Variants in MACROD1 observed in about 807,000 individuals in gnomAD.
MACROD1 encodes the protein mono-ADP ribosylhydrolase 1.
A neutral mutation model predicts 41.4 loss-of-function variants in MACROD1; 31 were observed. The ratio of observed to expected loss-of-function variants is 0.75; its 90% CI spans 0.56 to 1.01. The LOEUF (loss-of-function observed/expected upper bound fraction) is 1.01. Ranked by LOEUF, MACROD1 falls within the 50% of genes least tolerant of loss-of-function variation. The pLI, the probability that MACROD1 is intolerant of heterozygous loss-of-function variation, is 0.00. For missense variants in MACROD1, 473 were observed against 460.0 expected, an observed-to-expected ratio of 1.03 and a Z score of -0.26; for synonymous variants, 252 against 203.4, an observed-to-expected ratio of 1.24 and a Z score of -2.03.
intron 3 of MACROD1, among the ~76,000 whole-genome samples, chr11:64,065,090 G>A (rs948683035): frequency 1.3e-5 from 2 of 152,216 alleles, no homozygotes; most frequent in Non-Finnish European, 2.9e-5. Context: ...AGCCAGACTC[G>A]GCGGCCTCGG....
intron 3 of MACROD1, among the ~76,000 whole-genome samples, chr11:64,088,650 G>C (rs1944437192): frequency 6.6e-6 from 1 of 152,160 alleles, no homozygotes; most frequent in African/African-American, 2.4e-5. Context: ...CACCCTTATT[G>C]GTTGTGTGAC....
intron 3 of MACROD1, among the ~76,000 whole-genome samples, chr11:64,063,513 G>A (rs111341408): frequency 2.6e-5 from 4 of 152,294 alleles, no homozygotes; most frequent in African/African-American, 9.6e-5. Context: ...TCCTGGCAAA[G>A]TCCCAGGTGC....
At chr11:64,143,742 C>A in intron 3 of MACROD1, among the ~76,000 whole-genome samples, 1 of 84,950 alleles carries the variant, frequency 1.2e-5, no homozygotes, top group Non-Finnish European at 2.1e-5. Context: ...CCCCCAACCC[C>A]GACACACACA....
In MACROD1 at chr11:64,095,086, C is replaced by CAT. The variant is rs1944554084; in HGVS notation, c.517+56152_517+56153insAT. Reference sequence around the variant, plus strand: ...GCTCCCAAATGAAAAGGAAAATATACAATGAGAGGCACTAAGGAAACCTCA... The same window carrying CAT: ...GCTCCCAAATGAAAAGGAAAATATACATAATGAGAGGCACTAAGGAAACCTCA... On this transcript the variant is annotated intron_variant, in intron 3 of 10. Transcript: ENST00000255681. Among the ~76,000 whole-genome samples the CAT allele has an allele frequency of 5.9e-5, 9 of 152,324 alleles. No individual in the cohort carries two copies. In the South Asian group the frequency reaches 1.7e-3, roughly 28 times the overall value.
At chr11:64,007,656 C>A (rs1228027816) in intron 4 of MACROD1, among the ~76,000 whole-genome samples, 2 of 152,204 alleles carry the variant, frequency 1.3e-5, no homozygotes, top group Admixed American at 6.5e-5. Flanking sequence ...TCTGGACCCT[C>A]TTCTGTTCCC....
intron 3 of MACROD1, among the ~76,000 whole-genome samples, chr11:64,077,015 A>G (rs1786497814): frequency 6.7e-6 from 1 of 149,240 alleles, no homozygotes; most frequent in Non-Finnish European, 1.5e-5. Context: ...TAGGCCCTTG[A>G]GCTGTGGGGA....
At chr11:64,042,067 A>C (rs560835705) in intron 3 of MACROD1, among the ~76,000 whole-genome samples, 109 of 152,150 alleles carry the variant, frequency 7.2e-4, no homozygotes, top group African/African-American at 2.6e-3. Context: ...CCAGGCCTGG[A>C]GCTGGCCACA....
chr11:64,025,308 A>G (rs1331942556), intron 3 of MACROD1, among the ~76,000 whole-genome samples: 1 of 152,128 alleles, frequency 6.6e-6, no homozygotes. Context: ...GGAAAGAGTG[A>G]GCACCAGCTC....
rs758900457 is a variant in MACROD1 at position 64,152,373 on chromosome 11, C to A, written c.319G>T (p.Asp107Tyr). Residue 107 changes from aspartate (D) to tyrosine (Y), a missense_variant, in exon 2 of 11, where the codon GAC (aspartate) becomes TAC (tyrosine). By Grantham distance (160) the Asp-to-Tyr change is radical. Coordinates refer to ENST00000255681, the MANE Select transcript of MACROD1 (RefSeq NM_014067.4). ...AAGTAATGTTCCTCCCGCTGCTTGT[C>A]ACTCAGGCCCTTCAGAAAGGCTGCA... Reference protein sequence around the residue: ...EAKSFLKGLSDKQREEHYFCK... With the variant: ...EAKSFLKGLSYKQREEHYFCK... 2 of 1,614,256 alleles carry A rather than the reference C, an allele frequency of 1.2e-6. No individual in the cohort carries two copies. The highest frequency in any genetic ancestry group is 1.7e-5 in the Admixed American group (1 of 60,036).
At chr11:64,023,091 A>G (rs554806646) in intron 3 of MACROD1, among the ~76,000 whole-genome samples, 1 of 152,028 alleles carries the variant, frequency 6.6e-6, no homozygotes, top group Non-Finnish European at 1.5e-5. Flanking sequence ...CAAATTCCTG[A>G]TATCAAGTGA....
rs1418042721 is a variant in MACROD1 at position 64,090,610 on chromosome 11, G to A, written c.517+60629C>T. 2.6e-5 allele frequency among the ~76,000 whole-genome samples: 4 copies of A among 152,178 alleles called. No homozygotes were observed. The highest frequency in any genetic ancestry group is 1.9e-4 in the East Asian group (1 of 5,194). On this transcript the variant is annotated intron_variant, in intron 3 of 10. Coordinates refer to ENST00000255681, the MANE Select transcript of MACROD1 (RefSeq NM_014067.4). The surrounding 1 kb of genome is among the most constrained non-coding windows in gnomAD (Gnocchi z 4.7). ...GTGGAGGCTGTGGCCAGCCATCGCC[G>A]CAGGAGGGGTCCCAGCTGGAGCACT...
Position 64,126,498 on chromosome 11 carries a change from A to C in MACROD1, c.517+24741T>G, listed in dbSNP as rs1475700965. Among the ~76,000 whole-genome samples, 3 of 152,312 alleles carry C rather than the reference A, an allele frequency of 2.0e-5. No individual in the cohort carries two copies. The East Asian group carries it at 5.8e-4, about 29-fold the overall frequency. Reference sequence around the variant, plus strand: ...TTATCTGAAAGAGCCCGTACCCCCTATAAACACGGCAGAGGAATGTCTTAA... The same window carrying C: ...TTATCTGAAAGAGCCCGTACCCCCTCTAAACACGGCAGAGGAATGTCTTAA... On this transcript the variant is annotated intron_variant, in intron 3 of 10. Transcript: ENST00000255681.
chr11:64,000,322 G>C lies in MACROD1; in HGVS notation c.569C>G (p.Ala190Gly). Residue 190 changes from alanine (A) to glycine (G), a missense_variant, in exon 5 of 11, where the codon GCC becomes GGC. By Grantham distance (60) the Ala-to-Gly change is moderately conservative (BLOSUM62 0). Transcript: ENST00000255681. ...GGGVDGCIHR[A>G]AGPLLTDECR... The stretch of plus-strand genomic sequence containing the variant: ...CTCGTCGGTAAGCAGGGGGCCGGCG[G>C]CCCGATGAATGCAGCCGTCCACTGC... 6.3e-7 allele frequency: 1 copy of C among 1,588,232 alleles called. No individual in the cohort carries two copies. The highest frequency in any genetic ancestry group is 1.9e-4 in the Middle Eastern group (1 of 5,340).
chr11:64,093,352 C>G (rs1464575396), intron 3 of MACROD1, among the ~76,000 whole-genome samples: 2 of 152,222 alleles, frequency 1.3e-5, no homozygotes, highest in African/African-American at 4.8e-5. Flanking sequence ...CGTAAGAGCT[C>G]ACGGCCCATT....
At chr11:64,094,754 G>A (rs1330713627) in intron 3 of MACROD1, among the ~76,000 whole-genome samples, 1 of 152,234 alleles carries the variant, frequency 6.6e-6, no homozygotes, top group Admixed American at 6.5e-5. Flanking sequence ...CTATCTACCA[G>A]GATTTAGAAA....
chr11:64,149,205 G>A (rs963577572), intron 3 of MACROD1, among the ~76,000 whole-genome samples: 12 of 152,274 alleles, frequency 7.9e-5, no homozygotes, highest in Admixed American at 4.6e-4. Context: ...GCACCAGTGC[G>A]AGGTGCTGAG....
intron 3 of MACROD1, chr11:64,148,773 A>G: frequency 4.1e-6 from 4 of 985,702 alleles, no homozygotes; most frequent in Non-Finnish European, 4.8e-6. Context: ...TATTCCACTA[A>G]TAAACAGGCT....
At chr11:64,137,347 G>A (rs890664097) in intron 3 of MACROD1, among the ~76,000 whole-genome samples, 1 of 152,162 alleles carries the variant, frequency 6.6e-6, no homozygotes, top group Admixed American at 6.5e-5. Context: ...TCTGGAGCAA[G>A]GGATAAACCA....
chr11:64,086,747 T>C (rs1183789789), intron 3 of MACROD1, among the ~76,000 whole-genome samples: 1 of 152,120 alleles, frequency 6.6e-6, no homozygotes, highest in African/African-American at 2.4e-5. Flanking sequence ...AGTACAGAGA[T>C]GTAGACACAC....
Sources: allele counts gnomAD v4.1 joint callset (sites outside exome capture counted in the v4.1 genomes callset), GRCh38; gene constraint gnomAD v4.1.1; non-coding constraint Gnocchi (gnomAD v3.1); transcripts MANE v1.5; gene names NCBI Gene and HGNC (gene_info 2026-07-23, HGNC 2026-07-21).